The following FRAS1 variants were observed in gnomAD, a reference collection of about 807,000 sequenced individuals.
FRAS1 encodes extracellular matrix organizing protein FRAS1.
A neutral mutation model predicts 435.2 loss-of-function variants in FRAS1; 290 were observed. The observed-to-expected ratio is 0.67, with a 90% CI of 0.61 to 0.73. FRAS1 has a LOEUF of 0.73. Ranked by LOEUF, FRAS1 falls within the 30% of genes least tolerant of loss-of-function variation. The pLI is 0.00. For missense variants in FRAS1, 4,860 were observed against 5,001.5 expected (o/e 0.97, Z 0.85); for synonymous variants, 1,800 against 1,851.0 (o/e 0.97, Z 0.71).
At chr4:78,340,301 A>T (rs549109502) in intron 20 of FRAS1, among the ~76,000 whole-genome samples, 82 of 152,318 alleles carry the variant, frequency 5.4e-4, no homozygotes, top group African/African-American at 1.8e-3. Flanking sequence ...TGAGGTAACC[A>T]TTGTCTGGTG....
intron 2 of FRAS1, among the ~76,000 whole-genome samples, chr4:78,144,386 T>C (rs1177988936): frequency 6.6e-6 from 1 of 152,116 alleles, no homozygotes; most frequent in East Asian, 1.9e-4. Context: ...TATTTCAAGG[T>C]CAACATTGCT....
chr4:78,325,936 G>C (rs1005693310), intron 18 of FRAS1, among the ~76,000 whole-genome samples: 1 of 152,226 alleles, frequency 6.6e-6, no homozygotes, highest in Non-Finnish European at 1.5e-5. Flanking sequence ...GCAAAGGCGG[G>C]TTTGGAGAAG....
In FRAS1 at chr4:78,339,406, C is replaced by A. The variant is rs141113749; in HGVS notation, c.2422+1589C>A. Among the ~76,000 whole-genome samples, 243 of 152,238 alleles carry A rather than the reference C, an allele frequency of 1.6e-3. 1 individual carries two copies. Among genetic ancestry groups the A allele is most frequent in the African/African-American group, 5.6e-3 (231 of 41,532 alleles). On this transcript the variant is annotated intron_variant, in intron 20 of 73. Coordinates refer to ENST00000512123, the MANE Select transcript of FRAS1 (RefSeq NM_025074.7). ...GCTACTTAAGGAGGTGAACCAAAGA[C>A]ACAAGTGTAGTTAACAAATGGTACA... is the stretch of plus-strand genomic sequence containing the variant.
chr4:78,369,723 T>G, intron 22 of FRAS1, 115 bp from the exon 23 acceptor site: 1 of 814,870 alleles, frequency 1.2e-6, no homozygotes, highest in South Asian at 3.2e-5. Context: ...CATAATGAAA[T>G]GTAGAGCAGG....
chr4:78,179,781 C>CTCATA, intron 2 of FRAS1, among the ~76,000 whole-genome samples: 1 of 152,306 alleles, frequency 6.6e-6, no homozygotes, highest in East Asian at 1.9e-4. Flanking sequence ...ATGAATATGA[C>CTCATA]TGTCCCACTG....
At chr4:78,283,018 G>T in intron 12 of FRAS1, 51 bp downstream of exon 12, 1 of 1,334,530 alleles carries the variant, frequency 7.5e-7, no homozygotes, top group Admixed American at 3.4e-5. Flanking sequence ...CTGCCAAAAA[G>T]CTCAGAGATC....
At chr4:78,499,686 A>C (rs750703204) in intron 60 of FRAS1, 35 bp from the exon 61 acceptor site, 6 of 1,589,850 alleles carry the variant, frequency 3.8e-6, no homozygotes, top group Non-Finnish European at 5.2e-6. Context: ...GTGCTATTCT[A>C]ACTGGCTCTT....
chr4:78,203,833 G>C (rs1180851525), intron 2 of FRAS1, among the ~76,000 whole-genome samples: 1 of 152,238 alleles, frequency 6.6e-6, no homozygotes, highest in African/African-American at 2.4e-5. Context: ...CTCCCAAAGT[G>C]CTGGGATTAC....
At chr4:78,139,612 T>A (rs1720075726) in intron 2 of FRAS1, among the ~76,000 whole-genome samples, 1 of 152,176 alleles carries the variant, frequency 6.6e-6, no homozygotes, top group African/African-American at 2.4e-5. Flanking sequence ...AGTGGGATAC[T>A]TCATTAGTGG....
intron 70 of FRAS1, among the ~76,000 whole-genome samples, chr4:78,531,725 C>T (rs774818559): frequency 3.3e-5 from 5 of 152,178 alleles, no homozygotes; most frequent in African/African-American, 4.8e-5. Flanking sequence ...ATCATACCTA[C>T]ATCTGTGCAT....
chr4:78,111,640 A>G (rs1408801737), intron 2 of FRAS1, among the ~76,000 whole-genome samples: 25 of 114,964 alleles, frequency 2.2e-4, no homozygotes, highest in African/African-American at 8.1e-4. Context: ...ATTGGGAGAT[A>G]TACCTAATGC....
At chr4:78,217,118 TG>T in intron 2 of FRAS1, among the ~76,000 whole-genome samples, 1 of 152,130 alleles carries the variant, frequency 6.6e-6, no homozygotes, top group Middle Eastern at 3.4e-3. Flanking sequence ...ATTATGGAGT[TG>T]GTTGGTATGG....
At chr4:78,336,321 T>C (rs887685187) in intron 19 of FRAS1, among the ~76,000 whole-genome samples, 1 of 152,198 alleles carries the variant, frequency 6.6e-6, no homozygotes, top group African/African-American at 2.4e-5. Context: ...GAGAGCTGTT[T>C]CTATCCTTAG....
Position 78,407,671 on chromosome 4 carries a change from G to T in FRAS1, c.4138G>T (p.Val1380Phe). The T allele has an allele frequency of 6.2e-7, 1 of 1,611,454 alleles. No homozygotes were observed. Among genetic ancestry groups the T allele is most frequent in the East Asian group, 2.2e-5 (1 of 44,776 alleles). ...TQDYPQFGEV[V>F]LLVNMPADSP... Reference sequence around the variant, plus strand: ...GGCCTGTGCCTTCCTAGGGGAGGTGGTCCTTCTAGTGAATATGCCTGCAGA... The same window carrying T: ...GGCCTGTGCCTTCCTAGGGGAGGTGTTCCTTCTAGTGAATATGCCTGCAGA... The change falls in exon 31 of 74, where the codon GTC (valine) becomes TTC (phenylalanine). Residue 1380 changes from valine to phenylalanine, a missense_variant. Coordinates refer to ENST00000512123, the MANE Select transcript of FRAS1 (RefSeq NM_025074.7).
At chr4:78,538,448 G>A (rs977886744) in intron 72 of FRAS1, among the ~76,000 whole-genome samples, 7 of 152,178 alleles carry the variant, frequency 4.6e-5, no homozygotes, top group Non-Finnish European at 8.8e-5. Flanking sequence ...GAAAAGGACA[G>A]TGGGTTCCCA....
intron 13 of FRAS1, among the ~76,000 whole-genome samples, chr4:78,285,789 G>A (rs978874778): frequency 6.6e-6 from 1 of 152,090 alleles, no homozygotes; most frequent in Non-Finnish European, 1.5e-5. Context: ...CTCAGAGGGT[G>A]GTTATAAGGA....
intron 2 of FRAS1, among the ~76,000 whole-genome samples, chr4:78,173,958 G>A (rs1721658399): frequency 6.6e-6 from 1 of 152,212 alleles, no homozygotes; most frequent in Non-Finnish European, 1.5e-5. Context: ...ATCAGTTACT[G>A]TGTGCATTCA....
At chr4:78,472,414 C>G (rs765271556) in intron 52 of FRAS1, 84 bp downstream of exon 52, 80 of 1,232,886 alleles carry the variant, frequency 6.5e-5, no homozygotes, top group Non-Finnish European at 8.2e-5. Flanking sequence ...CTCACAGCCA[C>G]TTCCAGCTAC....
intron 9 of FRAS1, 114 bp from the exon 10 acceptor site, chr4:78,278,541 A>C: frequency 1.5e-6 from 1 of 667,378 alleles, no homozygotes; most frequent in South Asian, 1.7e-5. Context: ...GGCCAGAGCC[A>C]ACAGTGTGCC....
Sources: allele counts gnomAD v4.1 joint callset (sites outside exome capture counted in the v4.1 genomes callset), GRCh38; gene constraint gnomAD v4.1.1; transcripts MANE v1.5; gene names NCBI Gene and HGNC (gene_info 2026-07-23, HGNC 2026-07-21).